Variants in AMMECR1L observed in about 807,000 individuals in gnomAD.
The protein encoded by AMMECR1L is AMMECR1 like.
In AMMECR1L, 4 loss-of-function variants were observed where a neutral mutation model predicts 36.8. That is an observed-to-expected ratio of 0.11 (90% CI 0.05 to 0.25). The LOEUF is 0.25. Among genes scored for constraint, AMMECR1L ranks in the 10% least tolerant of loss-of-function variants. AMMECR1L has a pLI of 1.00. For missense variants in AMMECR1L, 232 were observed against 392.1 expected, an observed-to-expected ratio of 0.59 and a Z score of 3.45; for synonymous variants, 147 against 148.0, an observed-to-expected ratio of 0.99 and a Z score of 0.05.
At position 127,863,708 on chromosome 2, in the gene AMMECR1L, G is replaced by A. The variant is rs1690562081; in HGVS notation, c.*1386C>T. On this transcript the variant is annotated 3_prime_UTR_variant, in exon 8 of 8. Transcript: ENST00000272647. ...CATCCTTAGGATCCTTCTTCCAACT[G>A]GCCACTCTCCCTGTGAATCATTTTA... The A allele has an allele frequency of 1.3e-5, 2 of 152,718 alleles. No homozygotes were observed. Among genetic ancestry groups the A allele is most frequent in the South Asian group, 4.2e-4 (2 of 4,816 alleles). The allele number at this position is 152,718 out of a possible 1,614,324, so 9.5% of individuals were successfully genotyped here.
rs10928787 is a variant in AMMECR1L, at chr2:127,862,546, G to A, written c.*2548C>T. ...GACCGTGACCGTACACTTCTAGACCGCTTCCTGACTAGGCCCCGTTCAGGA... is the reference window on the plus strand; with the variant it reads ...GACCGTGACCGTACACTTCTAGACCACTTCCTGACTAGGCCCCGTTCAGGA... On this transcript the variant is annotated 3_prime_UTR_variant, in exon 8 of 8. Coordinates refer to ENST00000272647, the MANE Select transcript of AMMECR1L (RefSeq NM_001199140.2). 0.044 allele frequency: 6,793 copies of A among 153,612 alleles called. 209 individuals are homozygous for A. The highest frequency in any genetic ancestry group is 0.07 in the Non-Finnish European group (4,746 of 68,032). The allele number at this position is 153,612 out of a possible 1,614,324, so 9.5% of individuals were successfully genotyped here.
Position 127,873,598 on chromosome 2 carries a change from A to C in AMMECR1L, c.407+230T>G. 16 of 985,446 alleles carry C rather than the reference A, an allele frequency of 1.6e-5. No individual in the cohort carries two copies. The highest frequency in any genetic ancestry group is 1.9e-5 in the Non-Finnish European group (16 of 829,932). 61.0% of individuals were successfully genotyped at this position (985,446 alleles called of 1,614,324 possible). ...AATGAACTCACTTGATTTCCAGAAC[A>C]TTACTTTAACAACAAGCCTACAGCC... On this transcript the variant is annotated intron_variant, in intron 3 of 7. Transcript: ENST00000272647. The surrounding 1 kb of genome is among the most constrained non-coding windows in gnomAD (Gnocchi z 5.2).
rs945814893 is a variant in AMMECR1L, at chr2:127,873,062, G to A, written c.407+766C>T. The A allele has an allele frequency of 2.2e-5, 22 of 985,162 alleles. No individual in the cohort carries two copies. The highest frequency in any genetic ancestry group is 1.2e-4 in the African/African-American group (7 of 57,186). 61.0% of individuals were successfully genotyped at this position (985,162 alleles called of 1,614,324 possible). On this transcript the variant is annotated intron_variant, in intron 3 of 7. Transcript: ENST00000272647. This position sits in a 1 kb window ranked among gnomAD's most constrained non-coding sequence, Gnocchi z 5.2. ...CCCCAGCCAAGGTTTTGTAGTCTCC[G>A]TATGGCAATCAACAACTGAGGAATG...
chr2:127,876,986 C>T (rs1187764460), intron 2 of AMMECR1L, among the ~76,000 whole-genome samples: 1 of 150,390 alleles, frequency 6.6e-6, no homozygotes, highest in East Asian at 1.9e-4. Context: ...CACTGCACTC[C>T]AGCCTGGGCA....
chr2:127,882,356 T>C (rs921185425), intron 2 of AMMECR1L, among the ~76,000 whole-genome samples: 3 of 152,206 alleles, frequency 2.0e-5, no homozygotes, highest in Non-Finnish European at 2.9e-5. Flanking sequence ...GTTTCCTTTG[T>C]GACACAGAGT....
Position 127,867,008 on chromosome 2 carries a change from A to G in AMMECR1L, c.725-12T>C. 1.2e-6 allele frequency: 2 copies of G among 1,613,956 alleles called. No individual in the cohort carries two copies. Among genetic ancestry groups the G allele is most frequent in the Non-Finnish European group, 1.7e-6 (2 of 1,179,826 alleles). ...GATCTGATCCCAGTCTGGGGAGGAG[A>G]AAGGCCACACTGAGGTCAATGCACA... On this transcript the variant is annotated splice_polypyrimidine_tract_variant and intron_variant, in intron 6 of 7. Transcript: ENST00000272647.
intron 7 of AMMECR1L, among the ~76,000 whole-genome samples, chr2:127,866,532 T>C (rs1690690260): frequency 6.6e-6 from 1 of 152,254 alleles, no homozygotes; most frequent in African/African-American, 2.4e-5. Flanking sequence ...CTGTATCTCC[T>C]GCCGTCTGAC....
In AMMECR1L at chr2:127,869,332, G is replaced by T; in HGVS notation, c.724+122C>A. On this transcript the variant is annotated intron_variant, in intron 6 of 7. Transcript: ENST00000272647. The surrounding 1 kb of genome is among the most constrained non-coding windows in gnomAD (Gnocchi z 4.7). ...ATAGGAATTTGACAGGTATTAAGAG[G>T]CAGAAAGGCCCTCATTCTCAGCTGC... 1.1e-6 allele frequency: 1 copy of T among 912,726 alleles called. No individual in the cohort carries two copies. The allele number at this position is 912,726 out of a possible 1,614,324, so 56.5% of individuals were successfully genotyped here. A position where few individuals can be genotyped will look rare whatever the true frequency, so the allele number is the denominator to read the frequency against.
chr2:127,885,120 G>A, intron 1 of AMMECR1L: 1 of 984,804 alleles, frequency 1.0e-6, no homozygotes, highest in Non-Finnish European at 1.2e-6. Context: ...AGCGTGTCAG[G>A]TGGACGGATC....
chr2:127,868,260 TCCAACCAACTTTCAA>T (rs1011927498), intron 6 of AMMECR1L, among the ~76,000 whole-genome samples: 4 of 152,368 alleles, frequency 2.6e-5, no homozygotes, highest in African/African-American at 9.6e-5. Context: ...TTTTTATTTT[TCCAACCAACTTTCAA>T]ATGGCAAAAG....
chr2:127,868,499 C>T (rs1690806173), intron 6 of AMMECR1L, among the ~76,000 whole-genome samples: 2 of 152,172 alleles, frequency 1.3e-5, no homozygotes, highest in Non-Finnish European at 2.9e-5. Context: ...ATGATATACA[C>T]TTCACCGGGT....
Position 127,869,577 on chromosome 2 carries a change from T to A in AMMECR1L, c.634-33A>T. On this transcript the variant is annotated intron_variant, in intron 5 of 7. Transcript: ENST00000272647. The surrounding 1 kb of genome is among the most constrained non-coding windows in gnomAD (Gnocchi z 4.7). ...AAAAAGTACAACCAAGTAAATGGCA[T>A]TTACTTACTCTAATGGAACTTCAGT... The A allele has an allele frequency of 6.5e-7, 1 of 1,547,302 alleles. No homozygotes were observed. The highest frequency in any genetic ancestry group is 8.9e-7 in the Non-Finnish European group (1 of 1,119,212).
At position 127,873,377 on chromosome 2, in the gene AMMECR1L, A is replaced by G; in HGVS notation, c.407+451T>C. 1.0e-6 allele frequency: 1 copy of G among 985,434 alleles called. No individual in the cohort carries two copies. The highest frequency in any genetic ancestry group is 1.2e-6 in the Non-Finnish European group (1 of 829,920). The allele number at this position is 985,434 out of a possible 1,614,324, so 61.0% of individuals were successfully genotyped here. A position where few individuals can be genotyped will look rare whatever the true frequency, so the allele number is the denominator to read the frequency against. ...CAGGTTTACCAAGGGATTTCTCATG[A>G]ACAAAGTGAGGGGACCCCTGTTAAC... On this transcript the variant is annotated intron_variant, in intron 3 of 7. Coordinates refer to ENST00000272647, the MANE Select transcript of AMMECR1L (RefSeq NM_001199140.2). The surrounding 1 kb of genome is among the most constrained non-coding windows in gnomAD (Gnocchi z 5.2).
In AMMECR1L at chr2:127,863,389, A is replaced by G. The variant is rs1013045110; in HGVS notation, c.*1705T>C. ...CCCTCGCACGTCCCAGGTCCTCTCG[A>G]GCAGCACAGGACGGTGTGGAGCAAA... On this transcript the variant is annotated 3_prime_UTR_variant, in exon 8 of 8. Transcript: ENST00000272647. 7 of 152,408 alleles carry G rather than the reference A, an allele frequency of 4.6e-5. No homozygotes were observed. Among genetic ancestry groups the G allele is most frequent in the African/African-American group, 1.7e-4 (7 of 41,540 alleles). The allele number at this position is 152,408 out of a possible 1,614,324, so 9.4% of individuals were successfully genotyped here.
In AMMECR1L at chr2:127,862,033, T is replaced by G. The variant is rs1690490680; in HGVS notation, c.*3061A>C. The G allele has an allele frequency of 6.6e-6, 1 of 152,618 alleles. No individual in the cohort carries two copies. The highest frequency in any genetic ancestry group is 6.5e-5 in the Admixed American group (1 of 15,274). The allele number at this position is 152,618 out of a possible 1,614,324, so 9.5% of individuals were successfully genotyped here. ...TCTCTAACATGAGTTGTTTTATTAT[T>G]ATGAAGCAAAAAAGTTTTAAGAATC... On this transcript the variant is annotated 3_prime_UTR_variant, in exon 8 of 8. Coordinates refer to ENST00000272647, the MANE Select transcript of AMMECR1L (RefSeq NM_001199140.2).
intron 7 of AMMECR1L, among the ~76,000 whole-genome samples, chr2:127,866,605 T>TA (rs1464383927): frequency 6.6e-6 from 1 of 152,236 alleles, no homozygotes; most frequent in African/African-American, 2.4e-5. Flanking sequence ...CCTTGTCTCC[T>TA]AATCTCAGTC....
rs1390833150 is a variant in AMMECR1L, at chr2:127,869,119, A to G, written c.724+335T>C. Among the ~76,000 whole-genome samples the G allele has an allele frequency of 6.6e-6, 1 of 152,164 alleles. No individual in the cohort carries two copies. The highest frequency in any genetic ancestry group is 2.4e-5 in the African/African-American group (1 of 41,440). On this transcript the variant is annotated intron_variant, in intron 6 of 7. Transcript: ENST00000272647. This position sits in a 1 kb window ranked among gnomAD's most constrained non-coding sequence, Gnocchi z 4.7. ...ATTTGTGATCCAAAGTTCGGTACCT[A>G]CTGAATTCTACAATATGGTCAGGTT...
rs1690485420 is a variant in AMMECR1L at position 127,861,938 on chromosome 2, T to C, written c.*3156A>G. 1 of 152,674 alleles carries C rather than the reference T, an allele frequency of 6.5e-6. No homozygotes were observed. The highest frequency in any genetic ancestry group is 2.4e-5 in the African/African-American group (1 of 41,458). The allele number at this position is 152,674 out of a possible 1,614,324, so 9.5% of individuals were successfully genotyped here. A position where few individuals can be genotyped will look rare whatever the true frequency, so the allele number is the denominator to read the frequency against. Reference sequence around the variant, plus strand: ...ATTAACACCCAGGACTTCTTTTGTATAGATGATTTTTATTATAAACAATAA... The same window carrying C: ...ATTAACACCCAGGACTTCTTTTGTACAGATGATTTTTATTATAAACAATAA... On this transcript the variant is annotated 3_prime_UTR_variant, in exon 8 of 8. Transcript: ENST00000272647.
At position 127,873,679 on chromosome 2, in the gene AMMECR1L, A is replaced by G. The variant is rs1487911269; in HGVS notation, c.407+149T>C. 6 of 1,543,860 alleles carry G rather than the reference A, an allele frequency of 3.9e-6. No homozygotes were observed. The African/African-American group carries it at 8.3e-5, about 21-fold the overall frequency. On this transcript the variant is annotated intron_variant, in intron 3 of 7. Coordinates refer to ENST00000272647, the MANE Select transcript of AMMECR1L (RefSeq NM_001199140.2). The surrounding 1 kb of genome is among the most constrained non-coding windows in gnomAD (Gnocchi z 5.2). ...ACTGAATCCACTGAATGTTTTAAAT[A>G]TTCTCTGGACATTTCTTATCATTCT...
Sources: gnomAD v4.1 joint callset for allele counts (sites outside exome capture counted in the v4.1 genomes callset) on GRCh38, gnomAD v4.1.1 for gene constraint, Gnocchi (gnomAD v3.1) non-coding constraint, MANE v1.5 for transcripts, NCBI Gene and HGNC (gene_info 2026-07-23, HGNC 2026-07-21) for gene names.